Variants in MYT1L observed in about 807,000 individuals in gnomAD.
MYT1L encodes myelin transcription factor 1-like protein.
Under a neutral mutation model 126.7 loss-of-function variants are expected in MYT1L, and 12 were observed. The observed-to-expected ratio is 0.09, with a 90% CI of 0.06 to 0.15. The LOEUF (loss-of-function observed/expected upper bound fraction) is 0.15. Ranked by LOEUF, MYT1L falls within the 10% of genes least tolerant of loss-of-function variation. The probability of loss-of-function intolerance (pLI) is 1.00; values close to 1 mark genes in which losing one functional copy is unlikely to be tolerated. For missense variants in MYT1L, 979 were observed against 1,585.2 expected (o/e 0.62, Z 6.49); for synonymous variants, 541 against 604.2 (o/e 0.90, Z 1.53).
intron 21 of MYT1L, among the ~76,000 whole-genome samples, chr2:1,834,783 C>T (rs1177261855): frequency 6.6e-6 from 1 of 150,898 alleles, no homozygotes; most frequent in Non-Finnish European, 1.5e-5. Flanking sequence ...CCTCCACATA[C>T]CACGGGGATG....
intron 3 of MYT1L, among the ~76,000 whole-genome samples, chr2:2,171,633 T>C (rs1399753100): frequency 6.6e-6 from 1 of 152,144 alleles, no homozygotes; most frequent in Non-Finnish European, 1.5e-5. Context: ...GTCGTTGTTG[T>C]TGTTGTTGTT....
intron 2 of MYT1L, among the ~76,000 whole-genome samples, chr2:2,214,357 A>G (rs2093619087): frequency 1.3e-5 from 2 of 152,158 alleles, no homozygotes; most frequent in South Asian, 2.1e-4. Context: ...CATCAAACCC[A>G]CGGATCTAAA....
intron 2 of MYT1L, among the ~76,000 whole-genome samples, chr2:2,222,700 A>C (rs1390860947): frequency 6.6e-6 from 1 of 152,196 alleles, no homozygotes; most frequent in Non-Finnish European, 1.5e-5. Context: ...ACACAGACTC[A>C]AAACTTTAAA....
intron 9 of MYT1L, among the ~76,000 whole-genome samples, chr2:1,927,233 G>C (rs1032426577): frequency 2.4e-4 from 36 of 152,142 alleles, no homozygotes; most frequent in African/African-American, 7.5e-4. Context: ...TGATCTCATG[G>C]GCTCTTCTTC....
intron 4 of MYT1L, among the ~76,000 whole-genome samples, chr2:2,038,645 T>C (rs564495700): frequency 6.6e-6 from 1 of 152,116 alleles, no homozygotes; most frequent in Non-Finnish European, 1.5e-5. Context: ...TCAGAAGTAA[T>C]GTGACGTTGC....
chr2:1,909,904 C>G (rs961715220), intron 13 of MYT1L, among the ~76,000 whole-genome samples: 4 of 152,188 alleles, frequency 2.6e-5, no homozygotes, highest in Non-Finnish European at 5.9e-5. Flanking sequence ...ACAAAATTAC[C>G]TTGGACATCT....
Position 1,840,763 on chromosome 2 carries a change from A to G in MYT1L, c.2855T>C (p.Ile952Thr). Reference sequence around the variant, plus strand: ...TCAGCCCCACTGGTGCTCATACCTGATGGGTTCTTGATCTTCTTTATCTTC... The same window carrying G: ...TCAGCCCCACTGGTGCTCATACCTGGTGGGTTCTTGATCTTCTTTATCTTC... Reference protein sequence around the residue: ...SKEDKEDQEPIRCPVPGCDGQ... With the variant: ...SKEDKEDQEPTRCPVPGCDGQ... The change falls in exon 20 of 25, where the codon ATC (isoleucine) becomes ACC (threonine). Residue 952 changes from isoleucine (I) to threonine (T), a missense_variant. Transcript: ENST00000647738. 6.5e-7 allele frequency: 1 copy of G among 1,550,290 alleles called. No homozygotes were observed. The highest frequency in any genetic ancestry group is 8.7e-7 in the Non-Finnish European group (1 of 1,146,518).
At chr2:1,877,540 T>C (rs1264271654) in intron 18 of MYT1L, among the ~76,000 whole-genome samples, 1 of 152,188 alleles carries the variant, frequency 6.6e-6, no homozygotes, top group African/African-American at 2.4e-5. Flanking sequence ...GCAGGTGCTT[T>C]TATATATCAG....
chr2:1,877,134 C>A (rs1234056298), intron 18 of MYT1L, among the ~76,000 whole-genome samples: 2 of 152,184 alleles, frequency 1.3e-5, no homozygotes, highest in Non-Finnish European at 2.9e-5. Context: ...GGGGAGACCC[C>A]CGTGGTTGCA....
At chr2:2,091,667 T>C (rs374291163) in intron 3 of MYT1L, among the ~76,000 whole-genome samples, 3 of 152,242 alleles carry the variant, frequency 2.0e-5, no homozygotes, top group East Asian at 3.9e-4. Context: ...ATGGCTTATA[T>C]TCTTCCAATA....
Position 1,979,813 on chromosome 2 carries a change from C to T in MYT1L, c.1-36G>A, listed in dbSNP as rs1267694679. On this transcript the variant is annotated intron_variant, in intron 5 of 24. Coordinates refer to ENST00000647738, the MANE Select transcript of MYT1L (RefSeq NM_001303052.2). The surrounding 1 kb of genome is among the most constrained non-coding windows in gnomAD (Gnocchi z 4.0). ...ATTAGCAGCCATCAATGTGCTTATCCTGCCTGTGCAGGCCAGCCCTGCAGG... is the reference window on the plus strand; with the variant it reads ...ATTAGCAGCCATCAATGTGCTTATCTTGCCTGTGCAGGCCAGCCCTGCAGG... 6.2e-7 allele frequency: 1 copy of T among 1,612,026 alleles called. No individual in the cohort carries two copies. The highest frequency in any genetic ancestry group is 1.7e-5 in the Admixed American group (1 of 60,002).
chr2:1,970,315 C>T (rs1308745652), intron 8 of MYT1L, among the ~76,000 whole-genome samples: 1 of 152,104 alleles, frequency 6.6e-6, no homozygotes, highest in Non-Finnish European at 1.5e-5. Context: ...ATGAACCTGG[C>T]TACTCCAGAA....
chr2:2,118,351 C>T (rs1045987937), intron 3 of MYT1L, among the ~76,000 whole-genome samples: 2 of 152,136 alleles, frequency 1.3e-5, no homozygotes, highest in Non-Finnish European at 2.9e-5. Flanking sequence ...TAATCCTATT[C>T]TACTTGAAGT....
At position 1,922,375 on chromosome 2, in the gene MYT1L, T is replaced by A. The variant is rs759906074; in HGVS notation, c.1394A>T (p.Tyr465Phe). The change falls in exon 10 of 25, where the codon TAT becomes TTT. Residue 465 changes from tyrosine to phenylalanine, a missense_variant. This residue lies in a region of MYT1L where 67 missense variants were observed against 80.3 expected (regional missense o/e 0.83). Transcript: ENST00000647738. The surrounding 1 kb of genome is among the most constrained non-coding windows in gnomAD (Gnocchi z 7.4). ...AAGTTGTCTCGGAGACTGGTCCTCA[T>A]ATGACCTCATATTGTCCCTCCTCCC... is the stretch of plus-strand genomic sequence containing the variant. ...EAGRRDNMRS[Y>F]EDQSPRQLPG... The A allele has an allele frequency of 6.2e-7, 1 of 1,613,892 alleles. No individual in the cohort carries two copies. The highest frequency in any genetic ancestry group is 1.3e-5 in the African/African-American group (1 of 74,922).
chr2:1,958,677 T>A (rs2058711747), intron 8 of MYT1L, among the ~76,000 whole-genome samples: 1 of 152,162 alleles, frequency 6.6e-6, no homozygotes, highest in Non-Finnish European at 1.5e-5. Flanking sequence ...ATGGGGGCTG[T>A]TCACTGTGAG....
At chr2:2,243,632 G>C (rs2094477760) in intron 2 of MYT1L, among the ~76,000 whole-genome samples, 1 of 152,032 alleles carries the variant, frequency 6.6e-6, no homozygotes, top group Admixed American at 6.6e-5. Flanking sequence ...AAAGTAGCTG[G>C]GAAGCCACAT....
chr2:2,128,545 A>T (rs2081991725), intron 3 of MYT1L, among the ~76,000 whole-genome samples: 1 of 152,242 alleles, frequency 6.6e-6, no homozygotes, highest in Admixed American at 6.5e-5. Context: ...TCATACATTC[A>T]CTGGTGAAAG....
In MYT1L at chr2:2,279,265, T is replaced by C. The variant is rs2095411781; in HGVS notation, c.-421+5139A>G. Among the ~76,000 whole-genome samples the C allele has an allele frequency of 3.9e-5, 6 of 152,232 alleles. No individual in the cohort carries two copies. In the South Asian group the frequency reaches 1.2e-3, roughly 31 times the overall value. On this transcript the variant is annotated intron_variant, in intron 2 of 24. Transcript: ENST00000647738. ...AGATTGTATAGAGGCTAATAGTATC[T>C]ACTTTTCCTATATTTCAAGGCTATG...
intron 2 of MYT1L, among the ~76,000 whole-genome samples, chr2:2,283,454 A>G (rs1164850781): frequency 6.6e-6 from 1 of 152,250 alleles, no homozygotes; most frequent in Admixed American, 6.5e-5. Flanking sequence ...GAGAGTACAG[A>G]GATGATGCCT....
Sources: allele counts gnomAD v4.1 joint callset (sites outside exome capture counted in the v4.1 genomes callset), GRCh38; gene constraint gnomAD v4.1.1; regional missense constraint gnomAD v4.1.1; non-coding constraint Gnocchi (gnomAD v3.1); transcripts MANE v1.5; gene names NCBI Gene and HGNC (gene_info 2026-07-23, HGNC 2026-07-21).